Variants in ZDHHC14 observed in about 807,000 individuals in gnomAD.
The protein encoded by ZDHHC14 is zDHHC palmitoyltransferase 14.
In ZDHHC14, 16 loss-of-function variants were observed where a neutral mutation model predicts 47.7. That is an observed-to-expected ratio of 0.34 (90% confidence interval 0.23 to 0.51). The LOEUF is 0.51. ZDHHC14 is among the 20% of genes least tolerant of loss of function. The pLI, the probability that ZDHHC14 is intolerant of heterozygous loss-of-function variation, is 0.97. For synonymous variants in ZDHHC14, 293 were observed against 278.9 expected, an observed-to-expected ratio of 1.05 and a Z score of -0.50; for missense variants, 515 against 662.5, an observed-to-expected ratio of 0.78 and a Z score of 2.44.
At chr6:157,660,619 T>C (rs2115002078) in intron 8 of ZDHHC14, among the ~76,000 whole-genome samples, 1 of 152,350 alleles carries the variant, frequency 6.6e-6, no homozygotes, top group Admixed American at 6.5e-5. Flanking sequence ...CTGTCGCTCC[T>C]CAGCCCAGGA....
intron 1 of ZDHHC14, among the ~76,000 whole-genome samples, chr6:157,437,009 G>A (rs1259953799): frequency 6.6e-6 from 1 of 152,144 alleles, no homozygotes; most frequent in Non-Finnish European, 1.5e-5. Context: ...CTGAGACTTA[G>A]CAGCCACTGA....
chr6:157,405,318 C>T (rs537995421), intron 1 of ZDHHC14, among the ~76,000 whole-genome samples: 7 of 152,212 alleles, frequency 4.6e-5, no homozygotes, highest in South Asian at 2.1e-4. Flanking sequence ...CTGCAAGCTC[C>T]GCCTCCTGGG....
chr6:157,464,794 G>T (rs1779166784), intron 1 of ZDHHC14, among the ~76,000 whole-genome samples: 1 of 152,218 alleles, frequency 6.6e-6, no homozygotes, highest in Admixed American at 6.5e-5. Flanking sequence ...GCCATTTCAT[G>T]CAGCTTCTGC....
chr6:157,640,812 C>T (rs1777212604), intron 5 of ZDHHC14, among the ~76,000 whole-genome samples: 2 of 152,178 alleles, frequency 1.3e-5, no homozygotes, highest in South Asian at 2.1e-4. Context: ...AATATGTTCT[C>T]GTTGTAAAAA....
intron 5 of ZDHHC14, among the ~76,000 whole-genome samples, chr6:157,637,924 G>A (rs1483339770): frequency 1.3e-5 from 2 of 152,204 alleles, no homozygotes; most frequent in African/African-American, 2.4e-5. Context: ...AGAAATATCA[G>A]TGTCAATGAT....
chr6:157,456,677 G>A (rs17231671), intron 1 of ZDHHC14, among the ~76,000 whole-genome samples: 23,278 of 152,204 alleles, frequency 0.15, 2,315 homozygotes, highest in Middle Eastern at 0.22. Flanking sequence ...TTTCAGTCAG[G>A]TTTTTACATT....
chr6:157,443,355 GA>G (rs1306132651), intron 1 of ZDHHC14, among the ~76,000 whole-genome samples: 1 of 152,150 alleles, frequency 6.6e-6, no homozygotes, highest in Non-Finnish European at 1.5e-5. Context: ...AGCAGTATGA[GA>G]ATGGACTAAT....
At position 157,668,330 on chromosome 6, in the gene ZDHHC14, G is replaced by T. The variant is rs535975112; in HGVS notation, c.1069-4394G>T. Reference sequence around the variant, plus strand: ...AGGTGCTTATCATCAGATAAGTCAGGGTTCCAAAGAGTCATTTGGAAAACA... The same window carrying T: ...AGGTGCTTATCATCAGATAAGTCAGTGTTCCAAAGAGTCATTTGGAAAACA... On this transcript the variant is annotated intron_variant, in intron 8 of 8. Coordinates refer to ENST00000359775, the MANE Select transcript of ZDHHC14 (RefSeq NM_024630.3). 2.0e-5 allele frequency among the ~76,000 whole-genome samples: 3 copies of T among 151,468 alleles called. No individual in the cohort carries two copies. In the South Asian group the frequency reaches 6.3e-4, roughly 32 times the overall value.
intron 1 of ZDHHC14, among the ~76,000 whole-genome samples, chr6:157,423,287 G>T (rs1357775218): frequency 6.6e-6 from 1 of 152,170 alleles, no homozygotes. Context: ...CACAGATATT[G>T]TAAGTTTTAG....
At chr6:157,616,428 C>T (rs558283022) in intron 3 of ZDHHC14, among the ~76,000 whole-genome samples, 10 of 152,228 alleles carry the variant, frequency 6.6e-5, no homozygotes, top group South Asian at 2.1e-4. Flanking sequence ...GGGGAGGGCC[C>T]GTGGGACAAT....
intron 1 of ZDHHC14, among the ~76,000 whole-genome samples, chr6:157,383,972 A>G (rs1433295858): frequency 6.6e-6 from 1 of 152,212 alleles, no homozygotes; most frequent in Non-Finnish European, 1.5e-5. Context: ...GTTAGGATGA[A>G]CACTGGCACT....
Position 157,586,025 on chromosome 6 carries a change from G to C in ZDHHC14, c.407-6963G>C, listed in dbSNP as rs1356718748. Among the ~76,000 whole-genome samples, 2 of 152,222 alleles carry C rather than the reference G, an allele frequency of 1.3e-5. No homozygotes were observed. Among genetic ancestry groups the C allele is most frequent in the East Asian group, 3.9e-4 (2 of 5,186 alleles). ...CTATGTGCTAGACTCTCTGCTGGATGATGGGGACTTGAAAGTGGATAGGCC... is the reference window on the plus strand; with the variant it reads ...CTATGTGCTAGACTCTCTGCTGGATCATGGGGACTTGAAAGTGGATAGGCC... On this transcript the variant is annotated intron_variant, in intron 2 of 8. Transcript: ENST00000359775. This position sits in a 1 kb window ranked among gnomAD's most constrained non-coding sequence, Gnocchi z 4.6.
chr6:157,647,474 G>A (rs567601119), intron 7 of ZDHHC14, 106 bp downstream of exon 7: 44 of 748,902 alleles, frequency 5.9e-5, no homozygotes, highest in Admixed American at 1.0e-4. Context: ...CCGCCACCAC[G>A]TGACCACTTT....
chr6:157,557,831 C>T (rs1227744788), intron 2 of ZDHHC14, among the ~76,000 whole-genome samples: 1 of 152,192 alleles, frequency 6.6e-6, no homozygotes, highest in South Asian at 2.1e-4. Flanking sequence ...CTGTGCAATC[C>T]GGGCAGAGTA....
chr6:157,539,161 G>A (rs772849015), intron 1 of ZDHHC14, among the ~76,000 whole-genome samples: 9 of 152,084 alleles, frequency 5.9e-5, no homozygotes, highest in Non-Finnish European at 1.3e-4. Flanking sequence ...TGTAATCCCA[G>A]CACTTTGGGA....
At position 157,600,249 on chromosome 6, in the gene ZDHHC14, A is replaced by T. The variant is rs138037279; in HGVS notation, c.565+7103A>T. Reference sequence around the variant, plus strand: ...TTACAACAAGCCAACGTGAAGACATAGCAAACTTAATCTACCAGTATAATA... The same window carrying T: ...TTACAACAAGCCAACGTGAAGACATTGCAAACTTAATCTACCAGTATAATA... On this transcript the variant is annotated intron_variant, in intron 3 of 8. Transcript: ENST00000359775. 9.3e-3 allele frequency among the ~76,000 whole-genome samples: 1,411 copies of T among 151,820 alleles called. 22 individuals are homozygous for T. Among genetic ancestry groups the T allele is most frequent in the African/African-American group, 0.033 (1,355 of 41,554 alleles).
intron 1 of ZDHHC14, among the ~76,000 whole-genome samples, chr6:157,511,375 C>A (rs1780476513): frequency 7.1e-6 from 1 of 140,516 alleles, no homozygotes; most frequent in South Asian, 2.3e-4. Context: ...GGTGAGAGTG[C>A]ATGAGGAAAC....
chr6:157,478,500 TCTTTA>T (rs1779543353), intron 1 of ZDHHC14, among the ~76,000 whole-genome samples: 1 of 152,250 alleles, frequency 6.6e-6, no homozygotes, highest in African/African-American at 2.4e-5. Flanking sequence ...CATTCTATTT[TCTTTA>T]CTTCTAATCA....
At chr6:157,566,204 T>G (rs1417658503) in intron 2 of ZDHHC14, among the ~76,000 whole-genome samples, 1 of 151,748 alleles carries the variant, frequency 6.6e-6, no homozygotes, top group African/African-American at 2.4e-5. Flanking sequence ...GCGAGTCAAC[T>G]GGCAAGGAGA....
Sources: gnomAD v4.1 joint callset for allele counts (sites outside exome capture counted in the v4.1 genomes callset) on GRCh38, gnomAD v4.1.1 for gene constraint, Gnocchi (gnomAD v3.1) non-coding constraint, MANE v1.5 for transcripts, NCBI Gene and HGNC (gene_info 2026-07-23, HGNC 2026-07-21) for gene names.